SEZ6L2: variants seen among roughly 807,000 people sequenced by gnomAD.
SEZ6L2 encodes the protein seizure 6-like protein 2.
In SEZ6L2, 44 loss-of-function variants were observed where a neutral mutation model predicts 97.0. That is an observed-to-expected ratio of 0.45 (90% CI 0.36 to 0.58). The LOEUF (loss-of-function observed/expected upper bound fraction) is 0.58. Among genes scored for constraint, SEZ6L2 ranks in the 20% least tolerant of loss-of-function variants. The pLI is 0.00. For synonymous variants in SEZ6L2, 543 were observed against 546.1 expected, an observed-to-expected ratio of 0.99 and a Z score of 0.08; for missense variants, 1,086 against 1,233.3, an observed-to-expected ratio of 0.88 and a Z score of 1.79.
intron 5 of SEZ6L2, among the ~76,000 whole-genome samples, chr16:29,894,011 C>T (rs1487753447): frequency 6.6e-6 from 1 of 152,182 alleles, no homozygotes; most frequent in African/African-American, 2.4e-5. Flanking sequence ...ACTGGGATTA[C>T]AGGTGCTTGC....
At position 29,899,290 on chromosome 16, in the gene SEZ6L2, G is replaced by T; in HGVS notation, c.-271C>A. 2.3e-6 allele frequency: 1 copy of T among 443,472 alleles called. No homozygotes were observed. The highest frequency in any genetic ancestry group is 4.0e-6 in the Non-Finnish European group (1 of 250,894). The allele number at this position is 443,472 out of a possible 1,614,324, so 27.5% of individuals were successfully genotyped here. A position where few individuals can be genotyped will look rare whatever the true frequency, so the allele number is the denominator to read the frequency against. On this transcript the variant is annotated 5_prime_UTR_variant, in exon 1 of 18. Transcript: ENST00000617533. ...GGAGGGGGCGCGGCTCCGGCTGCAG[G>T]GGGTGGGGCCGAGAGGGCCGAAGGG...
intron 10 of SEZ6L2, 64 bp downstream of exon 10, chr16:29,878,223 G>T (rs2067950884): frequency 6.7e-7 from 1 of 1,489,460 alleles, no homozygotes; most frequent in Admixed American, 2.0e-5. Context: ...GCAGGCTACT[G>T]CATTGGCATA....
chr16:29,873,149 G>T lies in SEZ6L2; in HGVS notation c.2488+91C>A. 7.1e-7 allele frequency: 1 copy of T among 1,411,396 alleles called. No individual in the cohort carries two copies. The highest frequency in any genetic ancestry group is 9.7e-7 in the Non-Finnish European group (1 of 1,031,628). 87.4% of individuals were successfully genotyped at this position (1,411,396 alleles called of 1,614,324 possible). ...GGAGAACCGGGAGCTCTGTGGGGTC[G>T]CCCATTGGTCTCAAATGTGCTACCT... is the stretch of plus-strand genomic sequence containing the variant. On this transcript the variant is annotated intron_variant, in intron 14 of 17. Transcript: ENST00000617533. This position sits in a 1 kb window ranked among gnomAD's most constrained non-coding sequence, Gnocchi z 4.3.
chr16:29,888,495 G>A lies in SEZ6L2; in HGVS notation c.1039+45C>T, dbSNP rs558918394. On this transcript the variant is annotated intron_variant, in intron 6 of 17. Coordinates refer to ENST00000617533, the MANE Select transcript of SEZ6L2 (RefSeq NM_001243332.2). ...CCCCCGAGATAGGACCCTCCCAATGGGGTTCCCAGAACAGATGCCCCACCC... is the reference window on the plus strand; with the variant it reads ...CCCCCGAGATAGGACCCTCCCAATGAGGTTCCCAGAACAGATGCCCCACCC... 2.9e-5 allele frequency: 46 copies of A among 1,588,588 alleles called. 1 individual carries two copies. The South Asian group carries it at 4.7e-4, about 16-fold the overall frequency.
At chr16:29,872,363 C>G in intron 16 of SEZ6L2, 46 bp downstream of exon 16, 2 of 1,605,332 alleles carry the variant, frequency 1.2e-6, no homozygotes, top group Non-Finnish European at 1.7e-6. Flanking sequence ...GTGCCAGGCT[C>G]GCAAGACGTC....
chr16:29,895,511 C>G, intron 4 of SEZ6L2, 51 bp from the exon 5 acceptor site: 2 of 1,588,110 alleles, frequency 1.3e-6, no homozygotes, highest in Admixed American at 1.7e-5. Context: ...AGGTGTTTGA[C>G]TTCCAAAGCC....
At chr16:29,871,804 A>G in intron 17 of SEZ6L2, 76 bp from the exon 18 acceptor site, 2 of 1,361,956 alleles carry the variant, frequency 1.5e-6, no homozygotes, top group Middle Eastern at 1.8e-4. Context: ...AGGAGGGGCA[A>G]CGATCCTGGG....
At chr16:29,888,863 G>A (rs1163105147) in intron 5 of SEZ6L2, 138 bp from the exon 6 acceptor site, 6 of 694,718 alleles carry the variant, frequency 8.6e-6, no homozygotes, top group South Asian at 4.4e-5. Flanking sequence ...CGTACATACC[G>A]AGAAATAAGA....
At chr16:29,892,182 G>C (rs1202577369) in intron 5 of SEZ6L2, among the ~76,000 whole-genome samples, 1 of 152,236 alleles carries the variant, frequency 6.6e-6, no homozygotes, top group African/African-American at 2.4e-5. Context: ...GCTTTTCAGA[G>C]AAACTAATGA....
chr16:29,894,647 A>G (rs2068340990), intron 5 of SEZ6L2, among the ~76,000 whole-genome samples: 1 of 152,192 alleles, frequency 6.6e-6, no homozygotes, highest in Admixed American at 6.5e-5. Context: ...CGTTGAAGCC[A>G]GATTTACACC....
At position 29,876,670 on chromosome 16, in the gene SEZ6L2, A is replaced by G; in HGVS notation, c.2104+86T>C. On this transcript the variant is annotated intron_variant, in intron 12 of 17. Coordinates refer to ENST00000617533, the MANE Select transcript of SEZ6L2 (RefSeq NM_001243332.2). This position sits in a 1 kb window ranked among gnomAD's most constrained non-coding sequence, Gnocchi z 6.5. ...CCGAGCGAAGGGATGGAACCCAGAAAGCACGGGGGTCGGGACAGGACAGGC... is the reference window on the plus strand; with the variant it reads ...CCGAGCGAAGGGATGGAACCCAGAAGGCACGGGGGTCGGGACAGGACAGGC... The G allele has an allele frequency of 7.9e-7, 1 of 1,266,196 alleles. No individual in the cohort carries two copies. The highest frequency in any genetic ancestry group is 2.6e-5 in the East Asian group (1 of 38,390). The allele number at this position is 1,266,196 out of a possible 1,614,324, so 78.4% of individuals were successfully genotyped here. A position where few individuals can be genotyped will look rare whatever the true frequency, so the allele number is the denominator to read the frequency against.
intron 8 of SEZ6L2, among the ~76,000 whole-genome samples, chr16:29,882,783 C>A (rs1224043757): frequency 1.3e-5 from 2 of 151,884 alleles, no homozygotes; most frequent in Non-Finnish European, 2.9e-5. Flanking sequence ...TTTGTAGAGA[C>A]AAAGGTCTTG....
At chr16:29,883,642 C>T (rs2068071898) in intron 8 of SEZ6L2, among the ~76,000 whole-genome samples, 1 of 152,114 alleles carries the variant, frequency 6.6e-6, no homozygotes, top group African/African-American at 2.4e-5. Flanking sequence ...TTTAAAATAT[C>T]CTCTGTTGGC....
intron 1 of SEZ6L2, among the ~76,000 whole-genome samples, chr16:29,898,481 T>C (rs1462613757): frequency 1.3e-5 from 2 of 152,018 alleles, no homozygotes; most frequent in Admixed American, 6.6e-5. Context: ...TCCTCTGCAG[T>C]CTCTGCCTCC....
At chr16:29,875,918 C>G (rs538762556) in intron 12 of SEZ6L2, among the ~76,000 whole-genome samples, 3 of 151,856 alleles carry the variant, frequency 2.0e-5, no homozygotes, top group Non-Finnish European at 4.4e-5. Context: ...GCACCTGGCC[C>G]TTTCTGCTCT....
At position 29,876,025 on chromosome 16, in the gene SEZ6L2, A is replaced by T. The variant is rs867577149; in HGVS notation, c.2104+731T>A. On this transcript the variant is annotated intron_variant, in intron 12 of 17. Coordinates refer to ENST00000617533, the MANE Select transcript of SEZ6L2 (RefSeq NM_001243332.2). This position sits in a 1 kb window ranked among gnomAD's most constrained non-coding sequence, Gnocchi z 6.5. ...AAAATTAGCCCACTGCTCTCCCCAC[A>T]GCACTTCGCCACGCCCAGGGCAGCA... Among the ~76,000 whole-genome samples, 16 of 152,072 alleles carry T rather than the reference A, an allele frequency of 1.1e-4. No homozygotes were observed. Among genetic ancestry groups the T allele is most frequent in the African/African-American group, 3.9e-4 (16 of 41,462 alleles).
intron 8 of SEZ6L2, among the ~76,000 whole-genome samples, chr16:29,884,720 C>G (rs1003617328): frequency 1.3e-5 from 2 of 150,834 alleles, no homozygotes; most frequent in African/African-American, 4.9e-5. Context: ...TCCAGACCAG[C>G]CTGACCAACG....
intron 5 of SEZ6L2, among the ~76,000 whole-genome samples, chr16:29,892,571 C>G (rs977893422): frequency 6.6e-6 from 1 of 152,214 alleles, no homozygotes; most frequent in African/African-American, 2.4e-5. Flanking sequence ...ACATGAGCCC[C>G]TAAGGCAGGT....
rs541095994 is a variant in SEZ6L2, at chr16:29,874,550, GTTTT to G, written c.2105-825_2105-822del. Among the ~76,000 whole-genome samples the G allele has an allele frequency of 4.0e-4, 13 of 32,568 alleles. 1 individual carries two copies. The highest frequency in any genetic ancestry group is 1.1e-3 in the African/African-American group (13 of 12,158). 21.4% of individuals were successfully genotyped at this position (32,568 alleles called of 152,430 possible). On this transcript the variant is annotated intron_variant, in intron 12 of 17. Transcript: ENST00000617533. ...AATATAATTCTTTGTGTGTGTGCTT[GTTTT>G]TTTTTTTTTTTTTTTTTTTTTTTTT... is the stretch of plus-strand genomic sequence containing the variant.
Sources: allele counts gnomAD v4.1 joint callset (sites outside exome capture counted in the v4.1 genomes callset), GRCh38; gene constraint gnomAD v4.1.1; non-coding constraint Gnocchi (gnomAD v3.1); transcripts MANE v1.5; gene names NCBI Gene and HGNC (gene_info 2026-07-23, HGNC 2026-07-21).